Variants in GRPEL1 observed in about 807,000 individuals in gnomAD.
GRPEL1 encodes the protein grpE protein homolog 1, mitochondrial.
GRPEL1 carries 13 observed loss-of-function variants against 22.1 expected under a neutral mutation model. That is an observed-to-expected ratio of 0.59 (90% confidence interval 0.38 to 0.94). The LOEUF is 0.94. Among genes scored for constraint, GRPEL1 ranks in the 40% least tolerant of loss-of-function variants. The pLI is 0.00. For missense variants in GRPEL1, 289 were observed against 264.6 expected, an observed-to-expected ratio of 1.09 and a Z score of -0.64; for synonymous variants, 109 against 105.3, an observed-to-expected ratio of 1.03 and a Z score of -0.21.
chr4:7,065,648 C>T (rs879642230), intron 1 of GRPEL1, among the ~76,000 whole-genome samples: 2 of 151,438 alleles, frequency 1.3e-5, no homozygotes, highest in Admixed American at 6.6e-5. Context: ...GTAAGAGTTA[C>T]GAAAAAGGGA....
chr4:7,068,009 C>T lies in GRPEL1; in HGVS notation c.24G>A (p.Leu8=). 6.2e-7 allele frequency: 1 copy of T among 1,613,026 alleles called. No homozygotes were observed. The highest frequency in any genetic ancestry group is 8.5e-7 in the Non-Finnish European group (1 of 1,179,860). Residue 8 remains leucine (L), a synonymous_variant, in exon 1 of 4, where the codon TTG becomes TTA. Coordinates refer to ENST00000264954, the MANE Select transcript of GRPEL1 (RefSeq NM_025196.4). The part of the protein sequence containing the change: MAAQCVR[L]ARRSLPALAL... ...CCAAAGCAGGAAGACTGCGCCGCGC[C>T]AACCTCACGCACTGAGCCGCCATGA...
chr4:7,062,470 A>G lies in GRPEL1; in HGVS notation c.226-4T>C, dbSNP rs374386939. 6.3e-4 allele frequency: 862 copies of G among 1,373,126 alleles called. No homozygotes were observed. Among genetic ancestry groups the G allele is most frequent in the Non-Finnish European group, 7.9e-4 (796 of 1,003,862 alleles). The allele number at this position is 1,373,126 out of a possible 1,614,324, so 85.1% of individuals were successfully genotyped here. A position where few individuals can be genotyped will look rare whatever the true frequency, so the allele number is the denominator to read the frequency against. On this transcript the variant is annotated splice_region_variant and splice_polypyrimidine_tract_variant and intron_variant, in intron 2 of 3. Transcript: ENST00000264954. ...CCAAAGCTCGTTTATATTTTTCCTA[A>G]AAGAGAAAAAAAGGGATATTTATAT...
Position 7,060,762 on chromosome 4 carries a change from G to T in GRPEL1, c.*100C>A. The T allele has an allele frequency of 2.7e-6, 3 of 1,119,712 alleles. No homozygotes were observed. Among genetic ancestry groups the T allele is most frequent in the Non-Finnish European group, 2.6e-6 (2 of 773,918 alleles). The allele number at this position is 1,119,712 out of a possible 1,614,324, so 69.4% of individuals were successfully genotyped here. A position where few individuals can be genotyped will look rare whatever the true frequency, so the allele number is the denominator to read the frequency against. ...CTGGTTACTTAAGGTTTCCAATAAG[G>T]TTTGGGAAAAGGTCACACGTACTCA... On this transcript the variant is annotated 3_prime_UTR_variant, in exon 4 of 4. Transcript: ENST00000264954.
Position 7,060,369 on chromosome 4 carries a change from A to C in GRPEL1, c.*493T>G. ...TTGACTGAAGACAAACGAACTCACT[A>C]TGTTCTTCACAAAGATCATTTTTTT... On this transcript the variant is annotated 3_prime_UTR_variant, in exon 4 of 4. Coordinates refer to ENST00000264954, the MANE Select transcript of GRPEL1 (RefSeq NM_025196.4). 6.4e-6 allele frequency: 1 copy of C among 156,764 alleles called. No homozygotes were observed. Among genetic ancestry groups the C allele is most frequent in the Non-Finnish European group, 1.4e-5 (1 of 70,472 alleles). 9.7% of individuals were successfully genotyped at this position (156,764 alleles called of 1,614,324 possible). A position where few individuals can be genotyped will look rare whatever the true frequency, so the allele number is the denominator to read the frequency against.
At chr4:7,067,914 C>G (rs1724214429) in intron 1 of GRPEL1, 57 bp downstream of exon 1, 25 of 1,564,042 alleles carry the variant, frequency 1.6e-5, no homozygotes, top group Non-Finnish European at 1.9e-5. Flanking sequence ...GAAAGGCCCC[C>G]ATCGGAGCGG....
At chr4:7,063,947 C>T in intron 2 of GRPEL1, 114 bp downstream of exon 2, 2 of 1,238,882 alleles carry the variant, frequency 1.6e-6, no homozygotes, top group Non-Finnish European at 2.2e-6. Flanking sequence ...AGGCCATGGA[C>T]AACGGCTTAA....
Position 7,062,404 on chromosome 4 carries a change from C to T in GRPEL1, c.288G>A (p.Val96=). Residue 96 remains valine, a synonymous_variant, in exon 3 of 4, where the codon GTG becomes GTA. Coordinates refer to ENST00000264954, the MANE Select transcript of GRPEL1 (RefSeq NM_025196.4). ...ENLRQRSQKL[V]EEAKLYGIQA... ...AAGTACCGTATAATTTTGCCTCCTC[C>T]ACCAATTTCTGGCTCCTCTGCCGTA... The T allele has an allele frequency of 6.3e-7, 1 of 1,590,340 alleles. No individual in the cohort carries two copies. The highest frequency in any genetic ancestry group is 1.3e-5 in the African/African-American group (1 of 74,260).
In GRPEL1 at chr4:7,062,451, C is replaced by A; in HGVS notation, c.241G>T (p.Ala81Ser). Residue 81 changes from alanine to serine, a missense_variant, in exon 3 of 4, where the codon GCT becomes TCT. Coordinates refer to ENST00000264954, the MANE Select transcript of GRPEL1 (RefSeq NM_025196.4). The stretch of plus-strand genomic sequence containing the variant: ...CGTAAGTTCTCAGTGTCTGCCAAAG[C>A]TCGTTTATATTTTTCCTAAAAGAGA... ...LKETVEKYKR[A>S]LADTENLRQR... 1 of 1,562,152 alleles carries A rather than the reference C, an allele frequency of 6.4e-7. No individual in the cohort carries two copies. The highest frequency in any genetic ancestry group is 1.4e-5 in the African/African-American group (1 of 73,242).
At chr4:7,063,502 G>C (rs1281292298) in intron 2 of GRPEL1, among the ~76,000 whole-genome samples, 2 of 152,188 alleles carry the variant, frequency 1.3e-5, no homozygotes, top group Non-Finnish European at 2.9e-5. Flanking sequence ...CCAAGTCCAG[G>C]GGGTTCTAGT....
Position 7,062,486 on chromosome 4 carries a change from A to AGATTTT in GRPEL1, c.226-21_226-20insAAAATC, listed in dbSNP as rs1553880296. 18 of 396,760 alleles carry AGATTTT rather than the reference A, an allele frequency of 4.5e-5. No individual in the cohort carries two copies. The highest frequency in any genetic ancestry group is 5.4e-4 in the Middle Eastern group (1 of 1,850). The allele number at this position is 396,760 out of a possible 1,614,324, so 24.6% of individuals were successfully genotyped here. On this transcript the variant is annotated intron_variant, in intron 2 of 3. Coordinates refer to ENST00000264954, the MANE Select transcript of GRPEL1 (RefSeq NM_025196.4). ...TTTTTCCTAAAAGAGAAAAAAAGGG[A>AGATTTT]TATTTATATATATATATATATATAT...
rs1466633943 is a variant in GRPEL1 at position 7,060,852 on chromosome 4, T to G, written c.*10A>C. 1.2e-6 allele frequency: 2 copies of G among 1,600,804 alleles called. No homozygotes were observed. The highest frequency in any genetic ancestry group is 4.5e-5 in the East Asian group (2 of 44,780). ...AGTGAGTTTAAAAACACCCACCCCA[T>G]CAACAGCAGCTAAGCTTCCTTCACC... On this transcript the variant is annotated 3_prime_UTR_variant, in exon 4 of 4. Coordinates refer to ENST00000264954, the MANE Select transcript of GRPEL1 (RefSeq NM_025196.4).
chr4:7,063,935 G>A, intron 2 of GRPEL1, 126 bp downstream of exon 2: 1 of 1,082,716 alleles, frequency 9.2e-7, no homozygotes, highest in Non-Finnish European at 1.3e-6. Context: ...TGGGCCCACT[G>A]CAGGCCATGG....
intron 2 of GRPEL1, among the ~76,000 whole-genome samples, chr4:7,063,266 T>C (rs1000535252): frequency 1.3e-5 from 2 of 152,174 alleles, no homozygotes; most frequent in African/African-American, 4.8e-5. Context: ...ATTTTTAATT[T>C]TTTTTAGAGA....
At position 7,062,445 on chromosome 4, in the gene GRPEL1, C is replaced by T. The variant is rs771067759; in HGVS notation, c.247G>A (p.Ala83Thr). ...CTCTGCCGTAAGTTCTCAGTGTCTGCCAAAGCTCGTTTATATTTTTCCTAA... is the reference window on the plus strand; with the variant it reads ...CTCTGCCGTAAGTTCTCAGTGTCTGTCAAAGCTCGTTTATATTTTTCCTAA... Reference protein sequence around the residue: ...ETVEKYKRALADTENLRQRSQ... With the variant: ...ETVEKYKRALTDTENLRQRSQ... The change falls in exon 3 of 4, where the codon GCA (alanine) becomes ACA (threonine). Residue 83 changes from alanine to threonine, a missense_variant. By Grantham distance (58) the Ala-to-Thr change is moderately conservative (BLOSUM62 0). Coordinates refer to ENST00000264954, the MANE Select transcript of GRPEL1 (RefSeq NM_025196.4). 6.4e-7 allele frequency: 1 copy of T among 1,569,502 alleles called. No individual in the cohort carries two copies. Among genetic ancestry groups the T allele is most frequent in the South Asian group, 1.2e-5 (1 of 85,572 alleles).
At position 7,060,367 on chromosome 4, in the gene GRPEL1, C is replaced by T. The variant is rs898983860; in HGVS notation, c.*495G>A. ...TGTTGACTGAAGACAAACGAACTCA[C>T]TATGTTCTTCACAAAGATCATTTTT... On this transcript the variant is annotated 3_prime_UTR_variant, in exon 4 of 4. Transcript: ENST00000264954. 6.4e-6 allele frequency: 1 copy of T among 156,632 alleles called. No individual in the cohort carries two copies. Among genetic ancestry groups the T allele is most frequent in the Non-Finnish European group, 1.4e-5 (1 of 70,480 alleles). 9.7% of individuals were successfully genotyped at this position (156,632 alleles called of 1,614,324 possible).
intron 1 of GRPEL1, 92 bp downstream of exon 1, chr4:7,067,879 G>GGGAAGGAGGCCCCGGGGCCGAGA: frequency 7.4e-7 from 1 of 1,356,940 alleles, no homozygotes; most frequent in Non-Finnish European, 1.0e-6. Flanking sequence ...CGGGGCCGAG[G>GGGAAGGAGGCCCCGGGGCCGAGA]CCGGGAAGGA....
Position 7,068,013 on chromosome 4 carries a change from C to A in GRPEL1, c.20G>T (p.Arg7Met), listed in dbSNP as rs1560402831. Residue 7 changes from arginine (R) to methionine (M), a missense_variant, in exon 1 of 4, where the codon AGG becomes ATG. Physicochemically the swap from Arg to Met is moderately conservative, Grantham distance 91. Coordinates refer to ENST00000264954, the MANE Select transcript of GRPEL1 (RefSeq NM_025196.4). Reference sequence around the variant, plus strand: ...AGCAGGAAGACTGCGCCGCGCCAACCTCACGCACTGAGCCGCCATGACTGC... The same window carrying A: ...AGCAGGAAGACTGCGCCGCGCCAACATCACGCACTGAGCCGCCATGACTGC... MAAQCV[R>M]LARRSLPALA... 1.2e-6 allele frequency: 2 copies of A among 1,612,874 alleles called. No homozygotes were observed. The highest frequency in any genetic ancestry group is 2.2e-5 in the East Asian group (1 of 44,868).
At chr4:7,062,572 C>T (rs553698606) in intron 2 of GRPEL1, 106 bp from the exon 3 acceptor site, 1 of 252,108 alleles carries the variant, frequency 4.0e-6, no homozygotes, top group Non-Finnish European at 6.9e-6. Context: ...AGTGCAGTGG[C>T]ATGATCTCAG....
At chr4:7,061,388 G>C in intron 3 of GRPEL1, 180 bp from the exon 4 acceptor site, 1 of 576,716 alleles carries the variant, frequency 1.7e-6, no homozygotes, top group South Asian at 2.3e-5. Flanking sequence ...CTACTTGTGG[G>C]ATGAGACCCA....
Sources: allele counts gnomAD v4.1 joint callset (sites outside exome capture counted in the v4.1 genomes callset), GRCh38; gene constraint gnomAD v4.1.1; transcripts MANE v1.5; gene names NCBI Gene and HGNC (gene_info 2026-07-23, HGNC 2026-07-21).